FRMPD4: variants seen among roughly 807,000 people sequenced by gnomAD.
The protein encoded by FRMPD4 is FERM and PDZ domain-containing protein 4.
FRMPD4 carries 22 observed loss-of-function variants against 94.1 expected under a neutral mutation model. The observed-to-expected ratio is 0.23, with a 90% CI of 0.17 to 0.33. The LOEUF (loss-of-function observed/expected upper bound fraction) is 0.33. FRMPD4 is among the 10% of genes least tolerant of loss of function. FRMPD4 has a pLI of 1.00. For missense variants in FRMPD4, 1,111 were observed against 1,339.9 expected (o/e 0.83, Z 2.67); for synonymous variants, 631 against 548.6 (o/e 1.15, Z -2.10).
At chrX:11,899,166 TCTC>T (rs1355073128) in intron 3 of FRMPD4, among the ~76,000 whole-genome samples, 1 of 112,195 alleles carries the variant, frequency 8.9e-6, no homozygotes, top group Non-Finnish European at 1.9e-5. Flanking sequence ...TCTATATTCT[TCTC>T]TGTGGCATCC....
At chrX:12,346,503 A>T (rs1216372441) in intron 1 of FRMPD4, among the ~76,000 whole-genome samples, 1 of 111,434 alleles carries the variant, frequency 9.0e-6, no homozygotes, top group African/African-American at 3.3e-5. Flanking sequence ...CATATATGTA[A>T]AACTGGCAAA....
chrX:11,908,432 C>T (rs756950431), intron 3 of FRMPD4, among the ~76,000 whole-genome samples: 3 of 112,181 alleles, frequency 2.7e-5, no homozygotes, highest in Non-Finnish European at 5.6e-5. Context: ...TACTCATTCC[C>T]AGTGGGGCTA....
At chrX:12,100,889 A>G (rs2055249963) in intron 3 of FRMPD4, among the ~76,000 whole-genome samples, 1 of 112,220 alleles carries the variant, frequency 8.9e-6, no homozygotes, top group African/African-American at 3.2e-5. Flanking sequence ...ATTCCAAGGA[A>G]CTTTTCATGT....
intron 3 of FRMPD4, among the ~76,000 whole-genome samples, chrX:11,998,211 C>G (rs1429978985): frequency 1.8e-5 from 2 of 111,625 alleles, no homozygotes; most frequent in East Asian, 5.6e-4. Flanking sequence ...TATCTTTATT[C>G]CCAGATAGTT....
intron 1 of FRMPD4, among the ~76,000 whole-genome samples, chrX:12,199,739 G>A (rs1020687434): frequency 8.9e-6 from 1 of 111,969 alleles, no homozygotes; most frequent in African/African-American, 3.2e-5. Context: ...AATAGAGAAA[G>A]AGTTTAATTT....
chrX:11,871,114 G>A (rs6640804), intron 2 of FRMPD4, among the ~76,000 whole-genome samples: 5,470 of 112,283 alleles, frequency 0.049, 166 homozygotes, highest in East Asian at 0.22. Context: ...AAAATCTTCA[G>A]GAACGATCCT....
intron 3 of FRMPD4, among the ~76,000 whole-genome samples, chrX:11,878,848 A>G (rs1018218639): frequency 5.4e-5 from 6 of 111,960 alleles, no homozygotes; most frequent in Non-Finnish European, 1.1e-4. Context: ...AGTAGATTCT[A>G]TGATTATTGA....
intron 2 of FRMPD4, among the ~76,000 whole-genome samples, chrX:12,578,402 T>C (rs886497111): frequency 1.8e-5 from 2 of 111,861 alleles, no homozygotes; most frequent in African/African-American, 6.5e-5. Context: ...TGGGTCATTA[T>C]CAGATCTAAG....
At chrX:12,004,049 C>T (rs913465851) in intron 3 of FRMPD4, among the ~76,000 whole-genome samples, 5 of 111,597 alleles carry the variant, frequency 4.5e-5, no homozygotes, top group African/African-American at 1.6e-4. Flanking sequence ...CCAATGCTGG[C>T]TGTATCATAG....
At chrX:12,264,047 G>A (rs998958976) in intron 1 of FRMPD4, among the ~76,000 whole-genome samples, 2 of 111,192 alleles carry the variant, frequency 1.8e-5, no homozygotes, top group African/African-American at 3.3e-5. Context: ...TTGCCAACAC[G>A]TGCTTTTGGG....
chrX:12,088,355 C>T (rs2055127535), intron 3 of FRMPD4, among the ~76,000 whole-genome samples: 1 of 111,536 alleles, frequency 9.0e-6, no homozygotes, highest in Admixed American at 9.5e-5. Context: ...TTCATGAGGG[C>T]TCTGCCCTCA....
At chrX:12,366,535 A>G (rs2056082638) in intron 1 of FRMPD4, among the ~76,000 whole-genome samples, 1 of 112,270 alleles carries the variant, frequency 8.9e-6, no homozygotes, top group African/African-American at 3.2e-5. Context: ...GATGAAAATC[A>G]CATAAATAAA....
intron 1 of FRMPD4, among the ~76,000 whole-genome samples, chrX:12,444,888 T>C (rs1014381490): frequency 1.8e-5 from 2 of 112,280 alleles, no homozygotes; most frequent in Admixed American, 9.5e-5. Flanking sequence ...GGGATTAAGT[T>C]TCCAACACAT....
intron 1 of FRMPD4, among the ~76,000 whole-genome samples, chrX:12,494,055 A>G (rs1171036122): frequency 1.8e-5 from 2 of 112,358 alleles, no homozygotes; most frequent in African/African-American, 6.5e-5. Flanking sequence ...ATTTATCACT[A>G]TTAGACTCTA....
At chrX:12,190,508 A>G (rs980897593) in intron 1 of FRMPD4, among the ~76,000 whole-genome samples, 8 of 110,565 alleles carry the variant, frequency 7.2e-5, no homozygotes, top group African/African-American at 2.6e-4. Context: ...ACAGTAATCA[A>G]GACATTGTGG....
intron 1 of FRMPD4, among the ~76,000 whole-genome samples, chrX:12,223,772 T>A (rs2056894414): frequency 8.9e-6 from 1 of 112,134 alleles, no homozygotes; most frequent in African/African-American, 3.2e-5. Context: ...GGCATTTCTT[T>A]GTGGTTTAGT....
intron 1 of FRMPD4, among the ~76,000 whole-genome samples, chrX:12,166,256 A>G (rs762844827): frequency 8.9e-6 from 1 of 112,255 alleles, no homozygotes; most frequent in South Asian, 3.7e-4. Flanking sequence ...AGTTTTTAGC[A>G]TGAAGGGCTG....
intron 1 of FRMPD4, among the ~76,000 whole-genome samples, chrX:12,226,073 T>C (rs1009186394): frequency 1.8e-5 from 2 of 111,837 alleles, no homozygotes; most frequent in African/African-American, 6.5e-5. Context: ...GGTAGTGTTT[T>C]CTTTGTTTCT....
At chrX:12,475,352 T>C (rs1288349045) in intron 1 of FRMPD4, among the ~76,000 whole-genome samples, 1 of 111,807 alleles carries the variant, frequency 8.9e-6, no homozygotes, top group Non-Finnish European at 1.9e-5. Flanking sequence ...CCACAGCCAA[T>C]ATCATACTGA....
Sources: gnomAD v4.1 joint callset for allele counts (sites outside exome capture counted in the v4.1 genomes callset) on GRCh38, gnomAD v4.1.1 for gene constraint, MANE v1.5 for transcripts, NCBI Gene and HGNC (gene_info 2026-07-23, HGNC 2026-07-21) for gene names.